The following FBXO47 variants were observed in gnomAD, a reference collection of about 807,000 sequenced individuals.
The protein encoded by FBXO47 is F-box only protein 47.
In FBXO47, 34 loss-of-function variants were observed where a neutral mutation model predicts 53.9. The observed-to-expected ratio is 0.63, with a 90% confidence interval of 0.48 to 0.84. The LOEUF is 0.84. Among genes scored for constraint, FBXO47 ranks in the 40% least tolerant of loss-of-function variants. The pLI is 0.00. For synonymous variants in FBXO47, 165 were observed against 181.6 expected (o/e 0.91, Z 0.73); for missense variants, 485 against 541.3 (o/e 0.90, Z 1.03).
chr17:38,961,423 C>T (rs1905809246), intron 3 of FBXO47, among the ~76,000 whole-genome samples: 1 of 152,244 alleles, frequency 6.6e-6, no homozygotes, highest in South Asian at 2.1e-4. Context: ...TTAATTATAG[C>T]TTAGCCACTT....
At chr17:38,953,278 G>A (rs1049196090) in intron 5 of FBXO47, among the ~76,000 whole-genome samples, 5 of 151,472 alleles carry the variant, frequency 3.3e-5, no homozygotes, top group Admixed American at 1.3e-4. Flanking sequence ...GAAATCACGC[G>A]ACTGTACTCC....
chr17:38,942,830 G>A lies in FBXO47; in HGVS notation c.1031C>T (p.Ala344Val), dbSNP rs1180104780. Residue 344 changes from alanine to valine, a missense_variant, in exon 9 of 11, where the codon GCT becomes GTT. Transcript: ENST00000378079. Reference protein sequence around the residue: ...NICFSFMASKAVNGRTIELAR... With the variant: ...NICFSFMASKVVNGRTIELAR... ...CAGTTCAATGGTGCGTCCATTCACA[G>A]CTTTACTAGCCATGAAACTGAAACA... 1 of 1,613,848 alleles carries A rather than the reference G, an allele frequency of 6.2e-7. No individual in the cohort carries two copies. Among genetic ancestry groups the A allele is most frequent in the Non-Finnish European group, 8.5e-7 (1 of 1,179,914 alleles).
chr17:38,948,293 A>G (rs565017914), intron 6 of FBXO47, among the ~76,000 whole-genome samples: 5 of 141,042 alleles, frequency 3.5e-5, no homozygotes, highest in Non-Finnish European at 7.7e-5. Context: ...GCTCATTGCA[A>G]CCTCTGTCTC....
chr17:38,963,799 G>GTTTTTT (rs1905948251), intron 1 of FBXO47, among the ~76,000 whole-genome samples: 1 of 123,820 alleles, frequency 8.1e-6, no homozygotes, highest in African/African-American at 2.9e-5. Flanking sequence ...TTGTTGTTTT[G>GTTTTTT]TTGTTTTTTT....
intron 6 of FBXO47, among the ~76,000 whole-genome samples, chr17:38,951,155 T>G (rs1905258850): frequency 6.6e-6 from 1 of 152,048 alleles, no homozygotes; most frequent in African/African-American, 2.4e-5. Flanking sequence ...CTTCCCAAAG[T>G]GTTGGGATTG....
chr17:38,938,667 G>T lies in FBXO47; in HGVS notation c.1149C>A (p.Val383=). The change falls in exon 10 of 11, where the codon GTC becomes GTA. Residue 383 remains valine, a synonymous_variant. Coordinates refer to ENST00000378079, the MANE Select transcript of FBXO47 (RefSeq NM_001008777.3). ...TCTTTCTTTCCACTGGAGTGCTAAA[G>T]ACTTTGCAGACTTTTTGCATCATTT... The part of the protein sequence containing the change: ...TVKMMQKVCK[V]FSTPVERKNF... 1 of 1,613,530 alleles carries T rather than the reference G, an allele frequency of 6.2e-7. No individual in the cohort carries two copies. Among genetic ancestry groups the T allele is most frequent in the South Asian group, 1.1e-5 (1 of 91,064 alleles).
intron 9 of FBXO47, among the ~76,000 whole-genome samples, chr17:38,939,652 C>CTTTTTTT (rs970784178): frequency 1.1e-5 from 1 of 91,110 alleles, no homozygotes; most frequent in Non-Finnish European, 2.1e-5. Context: ...TAAAAGGTTT[C>CTTTTTTT]TTTTTTTTTT....
At position 38,951,678 on chromosome 17, in the gene FBXO47, T is replaced by A; in HGVS notation, c.519A>T (p.Ala173=). ...CYGMFLQTLT[A]GWDELECHRV... The stretch of plus-strand genomic sequence containing the variant: ...GATGGCACTCAAGTTCATCCCAACC[T>A]GCTGTTAAGGTCTGAGGAAAATAAA... The change falls in exon 6 of 11, where the codon GCA becomes GCT. Residue 173 remains alanine, a synonymous_variant. Transcript: ENST00000378079. 1 of 1,611,822 alleles carries A rather than the reference T, an allele frequency of 6.2e-7. No individual in the cohort carries two copies. The highest frequency in any genetic ancestry group is 1.1e-5 in the South Asian group (1 of 90,976).
intron 9 of FBXO47, 89 bp downstream of exon 9, chr17:38,942,689 T>C (rs763001784): frequency 5.5e-6 from 5 of 909,110 alleles, no homozygotes; most frequent in African/African-American, 3.4e-5. Context: ...CAAAATCTTT[T>C]GTCCACATTT....
In FBXO47 at chr17:38,954,768, T is replaced by C. The variant is rs1265846859; in HGVS notation, c.507+88A>G. 4.3e-6 allele frequency: 3 copies of C among 702,760 alleles called. No individual in the cohort carries two copies. The African/African-American group carries it at 5.5e-5, about 13-fold the overall frequency. 43.5% of individuals were successfully genotyped at this position (702,760 alleles called of 1,614,324 possible). On this transcript the variant is annotated intron_variant, in intron 5 of 10. Coordinates refer to ENST00000378079, the MANE Select transcript of FBXO47 (RefSeq NM_001008777.3). Reference sequence around the variant, plus strand: ...GCTCTTTTTAAGATTATTATAACTTTATTAACCTATGAAAAGAGAGATTGG... The same window carrying C: ...GCTCTTTTTAAGATTATTATAACTTCATTAACCTATGAAAAGAGAGATTGG...
chr17:38,961,812 T>A, intron 3 of FBXO47, 65 bp downstream of exon 3: 1 of 1,394,282 alleles, frequency 7.2e-7, no homozygotes, highest in South Asian at 1.3e-5. Flanking sequence ...TACAGAATTG[T>A]ATACTAAGTT....
chr17:38,946,039 AT>A, intron 6 of FBXO47, among the ~76,000 whole-genome samples: 3 of 133,806 alleles, frequency 2.2e-5, no homozygotes, highest in African/African-American at 8.3e-5. Flanking sequence ...ATATATATAA[AT>A]ATATATAAAA....
intron 6 of FBXO47, among the ~76,000 whole-genome samples, chr17:38,949,792 T>C (rs1349419448): frequency 2.0e-5 from 3 of 152,154 alleles, no homozygotes; most frequent in Non-Finnish European, 4.4e-5. Context: ...TAGAATACTG[T>C]AGAGCAGTCA....
chr17:38,963,796 T>TG (rs1905946785), intron 1 of FBXO47, among the ~76,000 whole-genome samples: 2 of 138,742 alleles, frequency 1.4e-5, no homozygotes, highest in African/African-American at 2.7e-5. Flanking sequence ...TTGTTGTTGT[T>TG]TTGTTGTTTT....
chr17:38,941,616 AATAT>A (rs1388351506), intron 9 of FBXO47, among the ~76,000 whole-genome samples: 3 of 104,026 alleles, frequency 2.9e-5, no homozygotes, highest in South Asian at 5.6e-4. Flanking sequence ...AAATAAATAT[AATAT>A]TATATATATA....
At chr17:38,950,104 C>G (rs11653969) in intron 6 of FBXO47, among the ~76,000 whole-genome samples, 1 of 151,946 alleles carries the variant, frequency 6.6e-6, no homozygotes, top group Admixed American at 6.6e-5. Flanking sequence ...GTTGTTCAAC[C>G]ACCACACTAT....
intron 4 of FBXO47, among the ~76,000 whole-genome samples, chr17:38,955,958 C>CA (rs34218216): frequency 0.18 from 5,532 of 30,188 alleles, 896 homozygotes; most frequent in Non-Finnish European, 0.23. Context: ...ACTCCATCTC[C>CA]AAAAAAAAAA....
At position 38,961,860 on chromosome 17, in the gene FBXO47, C is replaced by A; in HGVS notation, c.352+17G>T. On this transcript the variant is annotated intron_variant, in intron 3 of 10. Transcript: ENST00000378079. Reference sequence around the variant, plus strand: ...GCACAGTTCTTTACTTGTTGCAATTCTCATTACATAAGTTACCTAGAGATC... The same window carrying A: ...GCACAGTTCTTTACTTGTTGCAATTATCATTACATAAGTTACCTAGAGATC... The A allele has an allele frequency of 1.2e-6, 2 of 1,600,436 alleles. No homozygotes were observed. Among genetic ancestry groups the A allele is most frequent in the Non-Finnish European group, 1.7e-6 (2 of 1,175,104 alleles).
intron 1 of FBXO47, among the ~76,000 whole-genome samples, chr17:38,964,089 C>T (rs1027107370): frequency 3.3e-5 from 5 of 151,864 alleles, no homozygotes; most frequent in African/African-American, 1.2e-4. Flanking sequence ...ATTATAGGCA[C>T]AAGCCACTGT....
Sources: allele counts gnomAD v4.1 joint callset (sites outside exome capture counted in the v4.1 genomes callset), GRCh38; gene constraint gnomAD v4.1.1; transcripts MANE v1.5; gene names NCBI Gene and HGNC (gene_info 2026-07-23, HGNC 2026-07-21).